Variants in SUSD6 observed in about 807,000 individuals in gnomAD.
SUSD6 encodes sushi domain containing 6, also known as sushi domain-containing protein 6.
SUSD6 carries 16 observed loss-of-function variants against 28.4 expected under a neutral mutation model. The ratio of observed to expected loss-of-function variants is 0.56; its 90% CI spans 0.38 to 0.86. SUSD6 has a LOEUF of 0.86. SUSD6 is among the 40% of genes least tolerant of loss of function. The pLI is 0.00. For synonymous variants in SUSD6, 147 were observed against 159.6 expected (o/e 0.92, Z 0.59); for missense variants, 341 against 384.2 (o/e 0.89, Z 0.94).
intron 2 of SUSD6, among the ~76,000 whole-genome samples, chr14:69,664,463 C>T (rs937681600): frequency 5.3e-5 from 8 of 152,122 alleles, no homozygotes; most frequent in Non-Finnish European, 1.2e-4. Context: ...GCTGCAAACC[C>T]TGTTGATGAA....
chr14:69,624,601 TG>T (rs1031020081), intron 1 of SUSD6, among the ~76,000 whole-genome samples: 3 of 152,134 alleles, frequency 2.0e-5, no homozygotes, highest in Non-Finnish European at 4.4e-5. Flanking sequence ...TACAGGCATG[TG>T]GCACCATATC....
intron 1 of SUSD6, among the ~76,000 whole-genome samples, chr14:69,616,777 A>G (rs762393566): frequency 3.3e-5 from 5 of 152,106 alleles, no homozygotes; most frequent in Non-Finnish European, 5.9e-5. Context: ...GTACCTGTAC[A>G]TTCAGCTTTG....
chr14:69,668,196 G>A (rs892754395), intron 2 of SUSD6, among the ~76,000 whole-genome samples: 4 of 152,226 alleles, frequency 2.6e-5, no homozygotes, highest in African/African-American at 7.2e-5. Context: ...AGGGATGCAG[G>A]TGGTGGGGCT....
intron 2 of SUSD6, among the ~76,000 whole-genome samples, chr14:69,695,952 G>A (rs1886218873): frequency 6.6e-6 from 1 of 152,152 alleles, no homozygotes; most frequent in Non-Finnish European, 1.5e-5. Flanking sequence ...ATTCCAACTT[G>A]CCTGGGAGGC....
intron 2 of SUSD6, among the ~76,000 whole-genome samples, chr14:69,686,580 C>T (rs1594717776): frequency 6.6e-6 from 1 of 152,194 alleles, no homozygotes; most frequent in Non-Finnish European, 1.5e-5. Context: ...ATTGGACTTA[C>T]ATTTCCAGGT....
chr14:69,709,164 G>A (rs1455063068), intron 5 of SUSD6, 60 bp downstream of exon 5: 2 of 1,372,152 alleles, frequency 1.5e-6, no homozygotes, highest in East Asian at 2.3e-5. Context: ...TGGGAGTGAG[G>A]AAGGACTGTG....
chr14:69,709,086 T>C lies in SUSD6; in HGVS notation c.868T>C (p.Ser290Pro). 6.2e-7 allele frequency: 1 copy of C among 1,601,302 alleles called. No individual in the cohort carries two copies. The highest frequency in any genetic ancestry group is 8.5e-7 in the Non-Finnish European group (1 of 1,173,540). The change falls in exon 5 of 6, where the codon TCA becomes CCA. Residue 290 changes from serine to proline, a missense_variant. Transcript: ENST00000342745. ...SDIQSLLSLT[S>P]EEYTDDIPLL... is the part of the protein sequence containing the mutation. ...CATACAAAGCCTTTTATCCCTCACG[T>C]CAGAGGAGTACACAGATGGTGAGTG...
chr14:69,630,906 G>A lies in SUSD6; in HGVS notation c.-81+19078G>A, dbSNP rs537614186. Among the ~76,000 whole-genome samples, 10 of 152,346 alleles carry A rather than the reference G, an allele frequency of 6.6e-5. No individual in the cohort carries two copies. The East Asian group carries it at 1.3e-3, about 21-fold the overall frequency. The stretch of plus-strand genomic sequence containing the variant: ...AAAAAGCAATCTTAAATGCACGCCT[G>A]TAAAGAGGACTCTGAGAGTTCATGT... On this transcript the variant is annotated intron_variant, in intron 1 of 5. Transcript: ENST00000342745.
intron 2 of SUSD6, among the ~76,000 whole-genome samples, chr14:69,696,008 T>G (rs1886219640): frequency 6.6e-6 from 1 of 152,232 alleles, no homozygotes; most frequent in Admixed American, 6.5e-5. Context: ...CTGTTCATAC[T>G]GGGTATAACT....
chr14:69,655,659 G>A (rs1278300028), intron 1 of SUSD6, among the ~76,000 whole-genome samples: 1 of 151,948 alleles, frequency 6.6e-6, no homozygotes, highest in Admixed American at 6.6e-5. Flanking sequence ...AAAAAGTTAG[G>A]TGTGGTGGCG....
Position 69,715,004 on chromosome 14 carries a change from A to T in SUSD6, c.*4025A>T, listed in dbSNP as rs1028495760. The T allele has an allele frequency of 2.6e-5, 4 of 152,146 alleles. No individual in the cohort carries two copies. Among genetic ancestry groups the T allele is most frequent in the Non-Finnish European group, 5.9e-5 (4 of 68,034 alleles). 9.4% of individuals were successfully genotyped at this position (152,146 alleles called of 1,614,324 possible). On this transcript the variant is annotated 3_prime_UTR_variant, in exon 6 of 6. Coordinates refer to ENST00000342745, the MANE Select transcript of SUSD6 (RefSeq NM_014734.4). ...GGGTTTGCTTTATTTTATTTTATAT[A>T]TATATTTTTTGGTATCCTGTACATT...
intron 2 of SUSD6, among the ~76,000 whole-genome samples, chr14:69,700,665 C>T (rs989550333): frequency 2.0e-5 from 3 of 152,212 alleles, no homozygotes; most frequent in Non-Finnish European, 4.4e-5. Flanking sequence ...GTGCTACTTC[C>T]TCGGAGATCC....
intron 1 of SUSD6, among the ~76,000 whole-genome samples, chr14:69,653,221 G>C (rs1444544786): frequency 6.6e-6 from 1 of 152,182 alleles, no homozygotes; most frequent in Non-Finnish European, 1.5e-5. Context: ...ACAGAGGTGG[G>C]AGAGGCTGCC....
chr14:69,691,891 T>C (rs1338667469), intron 2 of SUSD6, among the ~76,000 whole-genome samples: 1 of 151,990 alleles, frequency 6.6e-6, no homozygotes, highest in African/African-American at 2.4e-5. Context: ...ATACAAAAAT[T>C]AGCCCGGTGT....
intron 5 of SUSD6, among the ~76,000 whole-genome samples, 185 bp downstream of exon 5, chr14:69,709,289 A>G (rs535844515): frequency 1.8e-4 from 27 of 152,308 alleles, no homozygotes; most frequent in African/African-American, 6.5e-4. Context: ...GGCTCTCTGT[A>G]GTGAGACTTT....
chr14:69,696,170 C>T (rs150444514), intron 2 of SUSD6, among the ~76,000 whole-genome samples: 96 of 152,332 alleles, frequency 6.3e-4, no homozygotes, highest in African/African-American at 2.2e-3. Flanking sequence ...AGTGGTCAGG[C>T]TTGCAGCTTA....
At chr14:69,644,695 G>A (rs1885402151) in intron 1 of SUSD6, among the ~76,000 whole-genome samples, 1 of 152,042 alleles carries the variant, frequency 6.6e-6, no homozygotes, top group African/African-American at 2.4e-5. Flanking sequence ...TGATTTGCCT[G>A]GATTTTATAA....
At chr14:69,693,054 C>T (rs189415364) in intron 2 of SUSD6, among the ~76,000 whole-genome samples, 2 of 152,334 alleles carry the variant, frequency 1.3e-5, no homozygotes, top group Admixed American at 1.3e-4. Flanking sequence ...GAAACAGTAA[C>T]ACTTGCTAAT....
At chr14:69,638,985 CACA>C (rs1885307090) in intron 1 of SUSD6, among the ~76,000 whole-genome samples, 1 of 152,128 alleles carries the variant, frequency 6.6e-6, no homozygotes, top group Non-Finnish European at 1.5e-5. Context: ...TGTGCTTACT[CACA>C]ACAAGATTGG....
Sources: gnomAD v4.1 joint callset for allele counts (sites outside exome capture counted in the v4.1 genomes callset) on GRCh38, gnomAD v4.1.1 for gene constraint, MANE v1.5 for transcripts, NCBI Gene and HGNC (gene_info 2026-07-23, HGNC 2026-07-21) for gene names.